ST8SIA6: variants seen among roughly 807,000 people sequenced by gnomAD.
The protein encoded by ST8SIA6 is ST8 alpha-N-acetyl-neuraminide alpha-2,8-sialyltransferase 6.
ST8SIA6 carries 39 observed loss-of-function variants against 33.6 expected under a neutral mutation model. The ratio of observed to expected loss-of-function variants is 1.16; its 90% CI spans 0.90 to 1.52. ST8SIA6 has a LOEUF of 1.52. ST8SIA6 is among the 40% of genes most tolerant of loss of function. The pLI is 0.00. For synonymous variants in ST8SIA6, 172 were observed against 167.2 expected, an observed-to-expected ratio of 1.03 and a Z score of -0.22; for missense variants, 441 against 443.8, an observed-to-expected ratio of 0.99 and a Z score of 0.06.
chr10:17,346,724 C>T (rs1848849149), intron 4 of ST8SIA6, among the ~76,000 whole-genome samples: 2 of 152,172 alleles, frequency 1.3e-5, no homozygotes, highest in African/African-American at 4.8e-5. Flanking sequence ...CAATAGATAA[C>T]CAACATGCCA....
chr10:17,395,871 G>T (rs945305592), intron 2 of ST8SIA6, among the ~76,000 whole-genome samples: 1 of 151,942 alleles, frequency 6.6e-6, no homozygotes, highest in Non-Finnish European at 1.5e-5. Flanking sequence ...CAACAAGAGC[G>T]AAACAAAACA....
chr10:17,333,706 TATATATATA>T (rs1848394962), intron 4 of ST8SIA6, among the ~76,000 whole-genome samples: 4 of 30,846 alleles, frequency 1.3e-4, no homozygotes, highest in Admixed American at 4.1e-4. Flanking sequence ...TATATATATA[TATATATATA>T]TATTTTTTTT....
intron 4 of ST8SIA6, among the ~76,000 whole-genome samples, chr10:17,333,680 T>G (rs1350144760): frequency 0.089 from 1,726 of 19,388 alleles, 151 homozygotes; most frequent in African/African-American, 0.13. Flanking sequence ...GGGATATATA[T>G]ATATATATAT....
intron 4 of ST8SIA6, among the ~76,000 whole-genome samples, chr10:17,347,375 T>A (rs1157188127): frequency 6.6e-6 from 1 of 152,148 alleles, no homozygotes; most frequent in Non-Finnish European, 1.5e-5. Flanking sequence ...GGCTTTCTGA[T>A]TCAGGCCACT....
At chr10:17,395,707 A>G (rs1850781368) in intron 2 of ST8SIA6, among the ~76,000 whole-genome samples, 1 of 151,996 alleles carries the variant, frequency 6.6e-6, no homozygotes, top group Non-Finnish European at 1.5e-5. Flanking sequence ...ACATGGAGAA[A>G]CCCCATCTCT....
intron 2 of ST8SIA6, among the ~76,000 whole-genome samples, chr10:17,430,318 T>A (rs182412056): frequency 6.6e-6 from 1 of 152,354 alleles, no homozygotes; most frequent in Admixed American, 6.5e-5. Context: ...CTTACGTCAG[T>A]TCCACATCTT....
intron 3 of ST8SIA6, among the ~76,000 whole-genome samples, chr10:17,364,573 A>AT (rs1849499014): frequency 4.6e-5 from 7 of 152,196 alleles, no homozygotes; most frequent in African/African-American, 9.7e-5. Flanking sequence ...TATAAAAGGG[A>AT]ATTTTTTTCT....
intron 2 of ST8SIA6, among the ~76,000 whole-genome samples, chr10:17,439,929 A>G (rs1034189297): frequency 6.6e-6 from 1 of 152,256 alleles, no homozygotes; most frequent in African/African-American, 2.4e-5. Flanking sequence ...TGTACAACAA[A>G]GATTCAACAC....
At chr10:17,428,968 G>A (rs1021938176) in intron 2 of ST8SIA6, among the ~76,000 whole-genome samples, 1 of 152,010 alleles carries the variant, frequency 6.6e-6, no homozygotes, top group African/African-American at 2.4e-5. Context: ...TGGCTTTTGT[G>A]GCCTGAGCTG....
rs1423163790 is a variant in ST8SIA6, at chr10:17,316,403, C to T, written c.*4475G>A. Among the ~76,000 whole-genome samples the T allele has an allele frequency of 1.3e-5, 2 of 151,970 alleles. No homozygotes were observed. The highest frequency in any genetic ancestry group is 2.9e-5 in the Non-Finnish European group (2 of 67,936). On this transcript the variant is annotated 3_prime_UTR_variant, in exon 8 of 8. Transcript: ENST00000377602. Reference sequence around the variant, plus strand: ...CCAGTCAAGTTAGTTCACTGACTTCCGAAGAGACAGATATCTGTGAGTCCA... The same window carrying T: ...CCAGTCAAGTTAGTTCACTGACTTCTGAAGAGACAGATATCTGTGAGTCCA...
intron 2 of ST8SIA6, among the ~76,000 whole-genome samples, chr10:17,434,842 T>A (rs1852202654): frequency 1.3e-5 from 2 of 152,152 alleles, no homozygotes; most frequent in Admixed American, 1.3e-4. Flanking sequence ...GGTTTATGGT[T>A]TCTCTTGTGA....
intron 2 of ST8SIA6, among the ~76,000 whole-genome samples, chr10:17,403,791 G>A (rs989579585): frequency 1.8e-4 from 28 of 152,036 alleles, no homozygotes; most frequent in African/African-American, 4.8e-5. Flanking sequence ...AGCTGGGCAC[G>A]GTGGCTCATG....
intron 2 of ST8SIA6, among the ~76,000 whole-genome samples, chr10:17,426,374 G>C (rs1262948117): frequency 6.6e-6 from 1 of 152,158 alleles, no homozygotes; most frequent in African/African-American, 2.4e-5. Flanking sequence ...GTCATAAAAT[G>C]CATGCTATCT....
intron 6 of ST8SIA6, among the ~76,000 whole-genome samples, chr10:17,325,053 G>T (rs1848081700): frequency 7.1e-6 from 1 of 139,904 alleles, no homozygotes; most frequent in African/African-American, 2.6e-5. Flanking sequence ...ATGTATATAT[G>T]TATACATATT....
chr10:17,387,442 TGGGGCGG>T (rs1017601401), intron 3 of ST8SIA6, among the ~76,000 whole-genome samples: 3 of 5,622 alleles, frequency 5.3e-4, no homozygotes, highest in East Asian at 0.028. Context: ...GTCGGGGCGG[TGGGGCGG>T]GGGGGGGGGG....
chr10:17,381,574 T>A (rs1850154235), intron 3 of ST8SIA6, among the ~76,000 whole-genome samples: 1 of 152,264 alleles, frequency 6.6e-6, no homozygotes, highest in Non-Finnish European at 1.5e-5. Context: ...TAAGCTGGCT[T>A]TAAAATTATT....
Position 17,373,578 on chromosome 10 carries a change from C to G in ST8SIA6, c.291-13978G>C, listed in dbSNP as rs76679497. The stretch of plus-strand genomic sequence containing the variant: ...AAGCCCTCCTTTCTACTATTTTAGC[C>G]GTTCGGATGGTCTTTTGGATGACAG... On this transcript the variant is annotated intron_variant, in intron 3 of 7. Transcript: ENST00000377602. 2.0e-5 allele frequency among the ~76,000 whole-genome samples: 3 copies of G among 152,110 alleles called. No homozygotes were observed. The South Asian group carries it at 6.2e-4, about 31-fold the overall frequency.
chr10:17,321,178 G>A lies in ST8SIA6; in HGVS notation c.897C>T (p.Phe299=). The A allele has an allele frequency of 6.2e-7, 1 of 1,614,042 alleles. No individual in the cohort carries two copies. The highest frequency in any genetic ancestry group is 8.5e-7 in the Non-Finnish European group (1 of 1,179,974). ...CCAGATCTTTCAGGTACTTGGGATG[G>A]AAAAATAGAACCTTTTGTCTTGCTT... ...ESKARQKVLF[F]HPKYLKDLAL... Residue 299 remains phenylalanine (F), a synonymous_variant, in exon 8 of 8, where the codon TTC becomes TTT. Coordinates refer to ENST00000377602, the MANE Select transcript of ST8SIA6 (RefSeq NM_001004470.3).
chr10:17,428,221 G>A (rs947457962), intron 2 of ST8SIA6, among the ~76,000 whole-genome samples: 1 of 152,126 alleles, frequency 6.6e-6, no homozygotes. Flanking sequence ...GATAATATGT[G>A]CCAAGCACCC....
Sources: allele counts gnomAD v4.1 joint callset (sites outside exome capture counted in the v4.1 genomes callset), GRCh38; gene constraint gnomAD v4.1.1; transcripts MANE v1.5; gene names NCBI Gene and HGNC (gene_info 2026-07-23, HGNC 2026-07-21).